HHAT: variants seen among roughly 807,000 people sequenced by gnomAD.
HHAT encodes protein-cysteine N-palmitoyltransferase HHAT.
In HHAT, 47 loss-of-function variants were observed where a neutral mutation model predicts 70.8. The ratio of observed to expected loss-of-function variants is 0.66; its 90% CI spans 0.53 to 0.85. The LOEUF is 0.85. Ranked by LOEUF, HHAT falls within the 40% of genes least tolerant of loss-of-function variation. The pLI, the probability that HHAT is intolerant of heterozygous loss-of-function variation, is 0.00. For synonymous variants in HHAT, 228 were observed against 247.6 expected (o/e 0.92, Z 0.74); for missense variants, 609 against 604.8 (o/e 1.01, Z -0.07).
At chr1:210,618,894 A>G (rs1287021445) in intron 10 of HHAT, among the ~76,000 whole-genome samples, 1 of 152,174 alleles carries the variant, frequency 6.6e-6, no homozygotes, top group African/African-American at 2.4e-5. Flanking sequence ...AACGAGTTTG[A>G]CGTAAGTTTA....
chr1:210,594,332 T>A (rs1164205207), intron 10 of HHAT, among the ~76,000 whole-genome samples: 1 of 152,174 alleles, frequency 6.6e-6, no homozygotes, highest in Non-Finnish European at 1.5e-5. Context: ...GTTTTTTGAT[T>A]TGAAATTACC....
At chr1:210,490,684 G>T (rs761486815) in intron 8 of HHAT, among the ~76,000 whole-genome samples, 1 of 152,142 alleles carries the variant, frequency 6.6e-6, no homozygotes, top group Non-Finnish European at 1.5e-5. Context: ...AGACATACCT[G>T]CTGACCTGAT....
At chr1:210,429,406 A>T (rs2148318509) in intron 7 of HHAT, among the ~76,000 whole-genome samples, 1 of 151,960 alleles carries the variant, frequency 6.6e-6, no homozygotes, top group South Asian at 2.1e-4. Context: ...GATCTAGAAT[A>T]GTTCAACCAT....
chr1:210,485,341 C>A (rs1268442934), intron 8 of HHAT, among the ~76,000 whole-genome samples: 2 of 152,166 alleles, frequency 1.3e-5, no homozygotes, highest in Admixed American at 6.5e-5. Flanking sequence ...TCAGGGTCAG[C>A]CGCAATAGAC....
At chr1:210,334,198 T>TTTTTTTTTTTTTTG (rs2085271937) in intron 1 of HHAT, among the ~76,000 whole-genome samples, 1 of 146,590 alleles carries the variant, frequency 6.8e-6, no homozygotes, top group Non-Finnish European at 1.5e-5. Flanking sequence ...TTTTTTTTTT[T>TTTTTTTTTTTTTTG]GAGAAAGGGT....
intron 3 of HHAT, chr1:210,369,893 A>C (rs1036265187): frequency 2.6e-5 from 4 of 152,316 alleles, no homozygotes; most frequent in African/African-American, 9.6e-5. Context: ...CAGGGAGGGG[A>C]TAGATCGTAA....
intron 9 of HHAT, among the ~76,000 whole-genome samples, chr1:210,544,418 G>A (rs544920365): frequency 7.4e-6 from 1 of 134,656 alleles, no homozygotes; most frequent in South Asian, 2.4e-4. Flanking sequence ...TGTTGCCCAA[G>A]CGGGAGTGCA....
At chr1:210,537,029 T>TAAAA (rs575562863) in intron 9 of HHAT, among the ~76,000 whole-genome samples, 5 of 144,190 alleles carry the variant, frequency 3.5e-5, no homozygotes, top group African/African-American at 1.3e-4. Flanking sequence ...AAAGAAGGTG[T>TAAAA]AAAAAAAAAA....
intron 8 of HHAT, among the ~76,000 whole-genome samples, chr1:210,496,518 G>A (rs2094646810): frequency 6.6e-6 from 1 of 152,222 alleles, no homozygotes; most frequent in South Asian, 2.1e-4. Context: ...AAGGTTGGGA[G>A]GTGGGGATTG....
chr1:210,420,078 G>T (rs928200000), intron 7 of HHAT, among the ~76,000 whole-genome samples: 2 of 152,184 alleles, frequency 1.3e-5, no homozygotes. Context: ...AATCGTAGAA[G>T]CCCTTAGTTT....
chr1:210,591,745 A>C (rs1196836246), intron 10 of HHAT, among the ~76,000 whole-genome samples: 1 of 152,072 alleles, frequency 6.6e-6, no homozygotes, highest in Non-Finnish European at 1.5e-5. Context: ...GGGACAGATA[A>C]TATCTTATTG....
intron 10 of HHAT, among the ~76,000 whole-genome samples, chr1:210,611,710 A>G (rs550733377): frequency 6.6e-6 from 1 of 152,170 alleles, no homozygotes; most frequent in Non-Finnish European, 1.5e-5. Context: ...AGTTTTTAAC[A>G]AGGAGGGATG....
chr1:210,532,353 T>C (rs1367626310), intron 9 of HHAT, among the ~76,000 whole-genome samples: 3 of 152,250 alleles, frequency 2.0e-5, no homozygotes. Flanking sequence ...AGGAGGTTCC[T>C]TATTTTATCT....
At chr1:210,483,381 A>G (rs893205236) in intron 8 of HHAT, among the ~76,000 whole-genome samples, 1 of 152,222 alleles carries the variant, frequency 6.6e-6, no homozygotes, top group East Asian at 1.9e-4. Context: ...TGAGCCCAGC[A>G]AGCGTCCTAA....
intron 8 of HHAT, among the ~76,000 whole-genome samples, chr1:210,498,391 C>CCT (rs2094690930): frequency 6.6e-6 from 1 of 151,700 alleles, no homozygotes; most frequent in Non-Finnish European, 1.5e-5. Context: ...ATTAAAAATC[C>CCT]CTGTAGCATT....
intron 10 of HHAT, among the ~76,000 whole-genome samples, chr1:210,602,713 G>C (rs754232041): frequency 6.6e-6 from 1 of 150,714 alleles, no homozygotes; most frequent in African/African-American, 2.5e-5. Context: ...GTGCTCACCC[G>C]GGCCTCTGGG....
chr1:210,390,083 G>A (rs2091353911), intron 4 of HHAT, among the ~76,000 whole-genome samples: 1 of 152,056 alleles, frequency 6.6e-6, no homozygotes, highest in African/African-American at 2.4e-5. Flanking sequence ...AAAAGAAATG[G>A]TTGAAGTAAG....
intron 4 of HHAT, among the ~76,000 whole-genome samples, chr1:210,393,945 G>A (rs1047591658): frequency 1.3e-5 from 2 of 152,136 alleles, no homozygotes; most frequent in African/African-American, 4.8e-5. Flanking sequence ...TGGACTAAGT[G>A]TTCCAGATGG....
rs61827362 is a variant in HHAT at position 210,600,196 on chromosome 1, G to A, written c.1245+12097G>A. On this transcript the variant is annotated intron_variant, in intron 10 of 11. Coordinates refer to ENST00000261458, the MANE Select transcript of HHAT (RefSeq NM_018194.6). ...AATTTTTGACATAATTTATTCCCTC[G>A]CTGAACTGTAAGCCTCATAAGGTCA... 2.1e-3 allele frequency among the ~76,000 whole-genome samples: 321 copies of A among 152,064 alleles called. 3 individuals carry two copies. The highest frequency in any genetic ancestry group is 3.4e-3 in the Non-Finnish European group (232 of 68,002).
Sources: gnomAD v4.1 joint callset for allele counts (sites outside exome capture counted in the v4.1 genomes callset) on GRCh38, gnomAD v4.1.1 for gene constraint, MANE v1.5 for transcripts, NCBI Gene and HGNC (gene_info 2026-07-23, HGNC 2026-07-21) for gene names.